The following HPSE2 variants were observed in gnomAD, a reference collection of about 807,000 sequenced individuals.
HPSE2 encodes inactive heparanase-2.
Under a neutral mutation model 60.5 loss-of-function variants are expected in HPSE2, and 38 were observed. The ratio of observed to expected loss-of-function variants is 0.63; its 90% confidence interval spans 0.48 to 0.82. The LOEUF (loss-of-function observed/expected upper bound fraction) is 0.82, where lower values mean the gene tolerates loss of function less well. HPSE2 is among the 40% of genes least tolerant of loss of function. HPSE2 has a pLI of 0.00. For synonymous variants in HPSE2, 295 were observed against 293.2 expected, an observed-to-expected ratio of 1.01 and a Z score of -0.06; for missense variants, 713 against 740.4, an observed-to-expected ratio of 0.96 and a Z score of 0.43.
At chr10:99,023,635 T>C (rs955652633) in intron 3 of HPSE2, among the ~76,000 whole-genome samples, 4 of 152,178 alleles carry the variant, frequency 2.6e-5, no homozygotes, top group Non-Finnish European at 4.4e-5. Context: ...TCCAGCTTTA[T>C]GTTGCTCAGA....
At chr10:99,097,866 C>G (rs1458485548) in intron 3 of HPSE2, among the ~76,000 whole-genome samples, 1 of 152,144 alleles carries the variant, frequency 6.6e-6, no homozygotes, top group East Asian at 1.9e-4. Context: ...AGAACCAGGA[C>G]TGAATCCCAG....
intron 2 of HPSE2, among the ~76,000 whole-genome samples, chr10:99,151,404 G>A (rs1169068296): frequency 1.3e-5 from 2 of 151,988 alleles, no homozygotes; most frequent in African/African-American, 2.4e-5. Context: ...TACAAGGAGA[G>A]GAAAAATAAA....
At chr10:98,968,270 C>T (rs1203832498) in intron 3 of HPSE2, among the ~76,000 whole-genome samples, 1 of 152,086 alleles carries the variant, frequency 6.6e-6, no homozygotes, top group African/African-American at 2.4e-5. Context: ...GTTTGGATCC[C>T]CATAGATACA....
At chr10:98,906,415 T>C (rs1024647283) in intron 3 of HPSE2, among the ~76,000 whole-genome samples, 1 of 152,132 alleles carries the variant, frequency 6.6e-6, no homozygotes, top group Non-Finnish European at 1.5e-5. Flanking sequence ...GATCAGGTTC[T>C]TGCTTGGTAT....
rs182576401 is a variant in HPSE2 at position 98,609,881 on chromosome 10, G to A, written c.1320+5023C>T. On this transcript the variant is annotated intron_variant, in intron 9 of 11. Coordinates refer to ENST00000370552, the MANE Select transcript of HPSE2 (RefSeq NM_021828.5). ...TTTTGAGACAGAGTCTCACTCTGTC[G>A]CCCAGGCTGGAGTGCAGTGGCACGA... 6.2e-3 allele frequency among the ~76,000 whole-genome samples: 821 copies of A among 133,462 alleles called. 6 individuals carry two copies. The highest frequency in any genetic ancestry group is 0.022 in the African/African-American group (766 of 34,308). The allele number at this position is 133,462 out of a possible 152,430, so 87.6% of individuals were successfully genotyped here. A position where few individuals can be genotyped will look rare whatever the true frequency, so the allele number is the denominator to read the frequency against.
In HPSE2 at chr10:98,698,032, A is replaced by T. The variant is rs369444548; in HGVS notation, c.957-4085T>A. ...ACAAAGAGACTTAGACTCCCACACA[A>T]TAATAATGGGAGACTTTAACACCCC... On this transcript the variant is annotated intron_variant, in intron 5 of 11. Transcript: ENST00000370552. 3.5e-4 allele frequency among the ~76,000 whole-genome samples: 51 copies of T among 147,426 alleles called. 1 individual carries two copies. The East Asian group carries it at 9.2e-3, about 27-fold the overall frequency.
chr10:99,272,010 C>T, the HPSE2 span, among the ~76,000 whole-genome samples: 31 of 152,170 alleles, frequency 2.0e-4, no homozygotes, highest in Non-Finnish European at 3.4e-4. Flanking sequence ...CAGTGGCTCA[C>T]GCCTGTAATC....
At chr10:99,052,550 G>C (rs1958014213) in intron 3 of HPSE2, among the ~76,000 whole-genome samples, 1 of 151,888 alleles carries the variant, frequency 6.6e-6, no homozygotes, top group Non-Finnish European at 1.5e-5. Context: ...TAAAAACATT[G>C]ACTTTTAGAT....
At chr10:99,214,742 T>C (rs1564899416) in intron 2 of HPSE2, among the ~76,000 whole-genome samples, 1 of 150,218 alleles carries the variant, frequency 6.7e-6, no homozygotes, top group African/African-American at 2.5e-5. Context: ...TAAACAAATT[T>C]ACAAGAAAAA....
chr10:99,182,869 G>A (rs180798074), intron 2 of HPSE2, among the ~76,000 whole-genome samples: 27 of 152,010 alleles, frequency 1.8e-4, no homozygotes, highest in Admixed American at 2.6e-4. Context: ...GGTGGCAGGC[G>A]CCTGTAGTCC....
At chr10:98,867,803 T>C (rs1250490445) in intron 3 of HPSE2, among the ~76,000 whole-genome samples, 2 of 152,170 alleles carry the variant, frequency 1.3e-5, no homozygotes, top group African/African-American at 4.8e-5. Context: ...CTCATGCCTG[T>C]AATCCCAGCA....
At chr10:99,158,050 G>A (rs1361877198) in intron 2 of HPSE2, among the ~76,000 whole-genome samples, 3 of 144,930 alleles carry the variant, frequency 2.1e-5, no homozygotes, top group Non-Finnish European at 4.6e-5. Context: ...AAACCACAAT[G>A]AGATACCATC....
intron 3 of HPSE2, among the ~76,000 whole-genome samples, chr10:98,815,533 T>C (rs1951266574): frequency 6.6e-6 from 1 of 152,186 alleles, no homozygotes; most frequent in African/African-American, 2.4e-5. Context: ...CACTTGTAGT[T>C]TGGGAGGATA....
intron 3 of HPSE2, among the ~76,000 whole-genome samples, chr10:98,749,411 T>C (rs151040714): frequency 4.4e-4 from 67 of 151,814 alleles, no homozygotes; most frequent in Admixed American, 3.0e-3. Context: ...TATCTGTACA[T>C]ATACATGCAT....
At chr10:98,989,679 T>C (rs1018878314) in intron 3 of HPSE2, among the ~76,000 whole-genome samples, 82 of 151,848 alleles carry the variant, frequency 5.4e-4, no homozygotes, top group African/African-American at 1.1e-3. Flanking sequence ...TCAAAAAGGC[T>C]TGTCTTTTAA....
chr10:99,259,301 C>A, the HPSE2 span, among the ~76,000 whole-genome samples: 1 of 80,008 alleles, frequency 1.2e-5, no homozygotes. Context: ...AGCAAAACCC[C>A]CCCCACCAAA....
chr10:99,077,827 T>C (rs1348546085), intron 3 of HPSE2, among the ~76,000 whole-genome samples: 2 of 152,084 alleles, frequency 1.3e-5, no homozygotes, highest in Non-Finnish European at 2.9e-5. Flanking sequence ...ATGGTTTGGA[T>C]GTTTGTCACC....
In HPSE2 at chr10:98,589,762, C is replaced by T. The variant is rs116624271; in HGVS notation, c.1320+25142G>A. The stretch of plus-strand genomic sequence containing the variant: ...AGTATTTGCAAGTTACCTATATTCC[C>T]TTCATAGTAACTTCACACTGTTAAC... On this transcript the variant is annotated intron_variant, in intron 9 of 11. Coordinates refer to ENST00000370552, the MANE Select transcript of HPSE2 (RefSeq NM_021828.5). Among the ~76,000 whole-genome samples the T allele has an allele frequency of 3.8e-3, 580 of 152,300 alleles. 4 individuals are homozygous for T. The highest frequency in any genetic ancestry group is 0.013 in the African/African-American group (555 of 41,566).
At chr10:98,855,590 C>T (rs1204694117) in intron 3 of HPSE2, among the ~76,000 whole-genome samples, 3 of 152,140 alleles carry the variant, frequency 2.0e-5, no homozygotes, top group Non-Finnish European at 4.4e-5. Flanking sequence ...AAAATACCTA[C>T]TTCTCTGTGG....
Sources: gnomAD v4.1 joint callset for allele counts (sites outside exome capture counted in the v4.1 genomes callset) on GRCh38, gnomAD v4.1.1 for gene constraint, MANE v1.5 for transcripts, NCBI Gene and HGNC (gene_info 2026-07-23, HGNC 2026-07-21) for gene names.